The following HYDIN variants were observed in gnomAD, a reference collection of about 807,000 sequenced individuals.
HYDIN encodes HYDIN axonemal central pair apparatus protein.
HYDIN carries 132 observed loss-of-function variants against 403.9 expected under a neutral mutation model. The observed-to-expected ratio is 0.33, with a 90% CI of 0.28 to 0.38. The LOEUF (loss-of-function observed/expected upper bound fraction) is 0.38, where lower values mean the gene tolerates loss of function less well. Among genes scored for constraint, HYDIN ranks in the 10% least tolerant of loss-of-function variants. The pLI, the probability that HYDIN is intolerant of heterozygous loss-of-function variation, is 1.00. For synonymous variants in HYDIN, 1,202 were observed against 1,891.7 expected (o/e 0.64, Z 9.46); for missense variants, 2,827 against 5,009.5 (o/e 0.56, Z 13.15).
intron 5 of HYDIN, among the ~76,000 whole-genome samples, chr16:71,175,038 A>ATG (rs760923862): frequency 1.4e-4 from 20 of 142,384 alleles, no homozygotes; most frequent in Non-Finnish European, 2.0e-4. Context: ...CGCCTATACC[A>ATG]CCATCAATGA....
chr16:70,892,612 T>G, intron 55 of HYDIN, 83 bp from the exon 56 acceptor site: 1 of 1,493,204 alleles, frequency 6.7e-7, no homozygotes. Flanking sequence ...GATGGTTGAG[T>G]GCCTGCTGTG....
rs1279860306 is a variant in HYDIN, at chr16:71,096,923, G to A, written c.1328-2988C>T. Among the ~76,000 whole-genome samples, 2 of 103,606 alleles carry A rather than the reference G, an allele frequency of 1.9e-5. 1 individual carries two copies. The highest frequency in any genetic ancestry group is 3.4e-5 in the Non-Finnish European group (2 of 58,348). 68.0% of individuals were successfully genotyped at this position (103,606 alleles called of 152,430 possible). ...TCTAGCTGGCGACTGGGGGGCATTA[G>A]TAATCCCAGACAACCTAATTTAGCT... is the stretch of plus-strand genomic sequence containing the variant. On this transcript the variant is annotated intron_variant, in intron 10 of 85. Coordinates refer to ENST00000393567, the MANE Select transcript of HYDIN (RefSeq NM_001270974.2).
chr16:71,194,998 TCA>T (rs1364105358), intron 1 of HYDIN, among the ~76,000 whole-genome samples: 1 of 152,116 alleles, frequency 6.6e-6, no homozygotes, highest in Non-Finnish European at 1.5e-5. Flanking sequence ...GACCCAGAAG[TCA>T]CACACTGTCA....
chr16:71,149,289 TG>T (rs1475579449), intron 7 of HYDIN, among the ~76,000 whole-genome samples: 3 of 151,624 alleles, frequency 2.0e-5, no homozygotes, highest in Admixed American at 2.0e-4. Context: ...CAAGAGTTGA[TG>T]AGAATGTGGA....
chr16:70,842,992 A>G (rs2037932820), intron 75 of HYDIN, among the ~76,000 whole-genome samples: 1 of 151,852 alleles, frequency 6.6e-6, no homozygotes, highest in African/African-American at 2.4e-5. Flanking sequence ...GTTTGAGTTG[A>G]TAACAACTTA....
chr16:71,051,768 T>C (rs62039170), intron 18 of HYDIN, among the ~76,000 whole-genome samples: 4,063 of 152,166 alleles, frequency 0.027, 44 homozygotes, highest in Non-Finnish European at 0.041. Context: ...GCCTATCTAA[T>C]GCAATGAGTC....
At chr16:70,886,908 G>T (rs1241725815) in intron 58 of HYDIN, among the ~76,000 whole-genome samples, 4 of 152,006 alleles carry the variant, frequency 2.6e-5, no homozygotes, top group Admixed American at 2.6e-4. Context: ...GGTTTGCTCA[G>T]ATTCTTGAGT....
intron 5 of HYDIN, among the ~76,000 whole-genome samples, chr16:71,164,675 C>T (rs1188237740): frequency 1.1e-3 from 92 of 87,092 alleles, no homozygotes; most frequent in Non-Finnish European, 1.9e-3. Context: ...ACCAGCTGCC[C>T]AGTCAGCATC....
At chr16:70,907,916 C>T (rs1190829783) in intron 49 of HYDIN, among the ~76,000 whole-genome samples, 1 of 151,740 alleles carries the variant, frequency 6.6e-6, no homozygotes, top group African/African-American at 2.4e-5. Flanking sequence ...AAAATTTCAC[C>T]CATGCAGAGT....
intron 13 of HYDIN, among the ~76,000 whole-genome samples, chr16:71,078,872 C>A (rs1230177385): frequency 2.0e-5 from 3 of 152,216 alleles, no homozygotes; most frequent in East Asian, 3.8e-4. Flanking sequence ...TCCCACTATC[C>A]TTTTCCTTCT....
At position 70,973,064 on chromosome 16, in the gene HYDIN, C is replaced by T. The variant is rs1366700809; in HGVS notation, c.5379+279G>A. On this transcript the variant is annotated intron_variant, in intron 35 of 85. Coordinates refer to ENST00000393567, the MANE Select transcript of HYDIN (RefSeq NM_001270974.2). ...ATGAGTGAACTGAGACTGAATGAGG[C>T]TAAGTAATTTCCTCAAAGACACACA... Among the ~76,000 whole-genome samples, 4 of 152,256 alleles carry T rather than the reference C, an allele frequency of 2.6e-5. No individual in the cohort carries two copies. The East Asian group carries it at 7.7e-4, about 29-fold the overall frequency.
At chr16:70,837,546 G>T (rs1347174581) in intron 77 of HYDIN, 144 bp downstream of exon 77, 4 of 604,054 alleles carry the variant, frequency 6.6e-6, no homozygotes, top group African/African-American at 5.6e-5. Context: ...CATCATCTCA[G>T]TGGGACTCGC....
At chr16:70,883,667 C>T (rs1321387878) in intron 59 of HYDIN, among the ~76,000 whole-genome samples, 1 of 151,176 alleles carries the variant, frequency 6.6e-6, no homozygotes, top group East Asian at 2.0e-4. Context: ...TCACTGCAAA[C>T]TCCACCTCCT....
intron 15 of HYDIN, among the ~76,000 whole-genome samples, chr16:71,065,982 G>A (rs1411493596): frequency 6.6e-6 from 1 of 152,214 alleles, no homozygotes; most frequent in African/African-American, 2.4e-5. Context: ...AGCTGGAATG[G>A]AAGTTGTCTG....
intron 44 of HYDIN, among the ~76,000 whole-genome samples, chr16:70,938,230 G>T (rs1620815): frequency 0.059 from 6,706 of 113,922 alleles, no homozygotes; most frequent in Non-Finnish European, 0.06. Context: ...ATCACCAGCT[G>T]TGGACATTGA....
At chr16:71,215,483 A>C (rs2088830661) in intron 1 of HYDIN, among the ~76,000 whole-genome samples, 1 of 152,162 alleles carries the variant, frequency 6.6e-6, no homozygotes, top group Non-Finnish European at 1.5e-5. Context: ...TTATGCTAAA[A>C]CTTTGGGGTG....
intron 58 of HYDIN, among the ~76,000 whole-genome samples, chr16:70,885,866 TA>T (rs1236035846): frequency 6.6e-6 from 1 of 151,972 alleles, no homozygotes; most frequent in Admixed American, 6.6e-5. Flanking sequence ...AACCAACATG[TA>T]GAAAACCCAG....
At chr16:71,153,271 T>C (rs555956991) in intron 6 of HYDIN, among the ~76,000 whole-genome samples, 12 of 151,966 alleles carry the variant, frequency 7.9e-5, no homozygotes, top group Non-Finnish European at 1.6e-4. Context: ...AGTGGAAAAA[T>C]ATATCTGAGC....
intron 58 of HYDIN, among the ~76,000 whole-genome samples, chr16:70,888,155 C>T (rs941313783): frequency 2.6e-5 from 4 of 152,256 alleles, no homozygotes; most frequent in African/African-American, 9.6e-5. Flanking sequence ...CTTATAATTG[C>T]TCATTGAAAC....
Sources: gnomAD v4.1 joint callset for allele counts (sites outside exome capture counted in the v4.1 genomes callset) on GRCh38, gnomAD v4.1.1 for gene constraint, MANE v1.5 for transcripts, NCBI Gene and HGNC (gene_info 2026-07-23, HGNC 2026-07-21) for gene names.